Variants in NTMT1 observed in about 807,000 individuals in gnomAD.
NTMT1 encodes the protein N-terminal Xaa-Pro-Lys N-methyltransferase 1.
NTMT1 carries 8 observed loss-of-function variants against 17.5 expected under a neutral mutation model. That is an observed-to-expected ratio of 0.46 (90% confidence interval 0.27 to 0.82). The LOEUF is 0.82. Ranked by LOEUF, NTMT1 falls within the 40% of genes least tolerant of loss-of-function variation. NTMT1 has a pLI of 0.15. For synonymous variants in NTMT1, 128 were observed against 126.8 expected (o/e 1.01, Z -0.06); for missense variants, 221 against 303.5 (o/e 0.73, Z 2.02).
At chr9:129,629,618 T>C (rs1309248952) in intron 1 of NTMT1, among the ~76,000 whole-genome samples, 1 of 152,204 alleles carries the variant, frequency 6.6e-6, no homozygotes, top group East Asian at 1.9e-4. Flanking sequence ...GGGACACCAG[T>C]GTGGGAGCTT....
chr9:129,611,436 T>TC (rs1830113566), intron 1 of NTMT1, among the ~76,000 whole-genome samples: 1 of 152,174 alleles, frequency 6.6e-6, no homozygotes, highest in African/African-American at 2.4e-5. Flanking sequence ...ATCCACCCCC[T>TC]CATCCCCAGA....
chr9:129,618,040 T>G (rs1830480932), intron 1 of NTMT1, among the ~76,000 whole-genome samples: 1 of 152,206 alleles, frequency 6.6e-6, no homozygotes, highest in Non-Finnish European at 1.5e-5. Flanking sequence ...CCTAGAGTAC[T>G]GTGTGAGGAA....
intron 1 of NTMT1, among the ~76,000 whole-genome samples, chr9:129,631,820 T>C (rs1245387792): frequency 6.6e-6 from 1 of 152,174 alleles, no homozygotes; most frequent in Non-Finnish European, 1.5e-5. Context: ...CGCACCCGAC[T>C]CCACTTCCTC....
intron 1 of NTMT1, among the ~76,000 whole-genome samples, chr9:129,609,424 C>T (rs1427309427): frequency 1.3e-5 from 2 of 152,102 alleles, no homozygotes; most frequent in Non-Finnish European, 2.9e-5. Context: ...CAATGGCAGG[C>T]GTGGGGTTGG....
Position 129,632,696 on chromosome 9 carries a change from G to C in NTMT1, c.-8G>C. On this transcript the variant is annotated 5_prime_UTR_variant, in exon 2 of 4. Transcript: ENST00000372483. ...TGGTGCTTGAGTAGAGCCGTGGTTGGTGACAGCATGACGAGCGAGGTGATA... is the reference window on the plus strand; with the variant it reads ...TGGTGCTTGAGTAGAGCCGTGGTTGCTGACAGCATGACGAGCGAGGTGATA... The C allele has an allele frequency of 6.2e-7, 1 of 1,613,892 alleles. No individual in the cohort carries two copies. Among genetic ancestry groups the C allele is most frequent in the Non-Finnish European group, 8.5e-7 (1 of 1,179,844 alleles).
upstream of NTMT1, among the ~76,000 whole-genome samples, chr9:129,621,291 G>GC (rs1180924428): frequency 6.6e-6 from 1 of 152,264 alleles, no homozygotes; most frequent in East Asian, 1.9e-4. Context: ...CTTACCCCCA[G>GC]CCCCCATTCT....
intron 1 of NTMT1, chr9:129,612,122 C>T: frequency 1.9e-6 from 1 of 516,590 alleles, no homozygotes; most frequent in Non-Finnish European, 3.5e-6. Flanking sequence ...GTCCTGAACC[C>T]CAGGGATGCC....
chr9:129,615,274 C>G (rs1440642541), intron 1 of NTMT1, among the ~76,000 whole-genome samples: 1 of 152,190 alleles, frequency 6.6e-6, no homozygotes, highest in Non-Finnish European at 1.5e-5. Flanking sequence ...GTTGGAACAC[C>G]TCCACTGGAC....
At chr9:129,619,449 A>G in intron 1 of NTMT1, 1 of 1,099,174 alleles carries the variant, frequency 9.1e-7, no homozygotes. Context: ...TCATGGGCGA[A>G]AGAGGAAAGA....
chr9:129,618,220 G>A (rs1485989815), intron 1 of NTMT1, among the ~76,000 whole-genome samples: 1 of 152,186 alleles, frequency 6.6e-6, no homozygotes, highest in African/African-American at 2.4e-5. Flanking sequence ...TTTTAACCTG[G>A]AGGAACTGTT....
At chr9:129,615,964 C>G (rs1466153873) in intron 1 of NTMT1, among the ~76,000 whole-genome samples, 1 of 152,230 alleles carries the variant, frequency 6.6e-6, no homozygotes, top group Non-Finnish European at 1.5e-5. Context: ...GAGCCAAGAC[C>G]TGCATCCTGG....
At chr9:129,610,028 G>C (rs1830074340) in intron 1 of NTMT1, among the ~76,000 whole-genome samples, 1 of 150,300 alleles carries the variant, frequency 6.7e-6, no homozygotes, top group African/African-American at 2.5e-5. Context: ...GCCTGTGTGT[G>C]TCTCGGGGTG....
intron 1 of NTMT1, among the ~76,000 whole-genome samples, chr9:129,629,424 T>C (rs1285887448): frequency 1.3e-5 from 2 of 151,972 alleles, no homozygotes; most frequent in East Asian, 1.9e-4. Flanking sequence ...AATGTCTCAC[T>C]CTGTTGCCCA....
chr9:129,615,528 G>A lies in NTMT1; in HGVS notation c.-55+6350G>A, dbSNP rs756724085. 3.1e-6 allele frequency: 5 copies of A among 1,610,970 alleles called. No individual in the cohort carries two copies. The East Asian group carries it at 1.1e-4, about 36-fold the overall frequency. On this transcript the variant is annotated intron_variant, in intron 1 of 3. Transcript: ENST00000372486. ...GTAGCGGAGCGTTGTGTCCTGCAGG[G>A]TCTCGTCAGCGAATCGCACCCGGAA...
At chr9:129,631,476 C>T (rs1304771772) in intron 1 of NTMT1, among the ~76,000 whole-genome samples, 1 of 152,204 alleles carries the variant, frequency 6.6e-6, no homozygotes, top group African/African-American at 2.4e-5. Flanking sequence ...GCTCTGCTGC[C>T]AGGACCCAGC....
chr9:129,620,217 C>T lies in NTMT1; in HGVS notation c.-55+11039C>T. On this transcript the variant is annotated intron_variant, in intron 1 of 3. Coordinates refer to the NTMT1 transcript ENST00000372486. This position sits in a 1 kb window ranked among gnomAD's most constrained non-coding sequence, Gnocchi z 5.8. The stretch of plus-strand genomic sequence containing the variant: ...CGGGGGCGCTCGCGCTCTCCAGGCC[C>T]TGGCTGCCTGGGCGCCGATTCCCGG... 7.3e-7 allele frequency: 1 copy of T among 1,368,126 alleles called. No individual in the cohort carries two copies. Among genetic ancestry groups the T allele is most frequent in the South Asian group, 1.8e-5 (1 of 55,102 alleles). The allele number at this position is 1,368,126 out of a possible 1,614,324, so 84.7% of individuals were successfully genotyped here.
At chr9:129,631,147 TCG>T (rs965461996) in intron 1 of NTMT1, among the ~76,000 whole-genome samples, 6 of 152,224 alleles carry the variant, frequency 3.9e-5, no homozygotes, top group African/African-American at 1.4e-4. Flanking sequence ...GCTGCCCAGC[TCG>T]GGCTGCCTCC....
Position 129,613,854 on chromosome 9 carries a change from C to T in NTMT1, c.-55+4676C>T, listed in dbSNP as rs775071709. Among the ~76,000 whole-genome samples the T allele has an allele frequency of 2.0e-5, 3 of 152,228 alleles. No individual in the cohort carries two copies. Among genetic ancestry groups the T allele is most frequent in the Non-Finnish European group, 2.9e-5 (2 of 68,036 alleles). On this transcript the variant is annotated intron_variant, in intron 1 of 3. Coordinates refer to the NTMT1 transcript ENST00000372486. The surrounding 1 kb of genome is among the most constrained non-coding windows in gnomAD (Gnocchi z 6.2). ...GCAGCCGGAAGCGTGCCCCCTTTCTCGCAGTGGGGAGACCACTTACCCCAT... is the reference window on the plus strand; with the variant it reads ...GCAGCCGGAAGCGTGCCCCCTTTCTTGCAGTGGGGAGACCACTTACCCCAT...
chr9:129,633,953 C>T, intron 2 of NTMT1, 101 bp from the exon 3 acceptor site: 2 of 1,371,962 alleles, frequency 1.5e-6, no homozygotes, highest in Non-Finnish European at 2.0e-6. Context: ...TGTGCGGAGT[C>T]CTGGAATCCT....
Sources: gnomAD v4.1 joint callset for allele counts (sites outside exome capture counted in the v4.1 genomes callset) on GRCh38, gnomAD v4.1.1 for gene constraint, Gnocchi (gnomAD v3.1) non-coding constraint, MANE v1.5 for transcripts, NCBI Gene and HGNC (gene_info 2026-07-23, HGNC 2026-07-21) for gene names.